PTPRD: variants seen among roughly 807,000 people sequenced by gnomAD.
The protein encoded by PTPRD is receptor-type tyrosine-protein phosphatase delta.
In PTPRD, 34 loss-of-function variants were observed where a neutral mutation model predicts 214.5. The ratio of observed to expected loss-of-function variants is 0.16; its 90% CI spans 0.12 to 0.21. PTPRD has a LOEUF of 0.21. Among genes scored for constraint, PTPRD ranks in the 10% least tolerant of loss-of-function variants. The pLI is 1.00. For missense variants in PTPRD, 2,545 were observed against 2,398.7 expected (o/e 1.06, Z -1.27); for synonymous variants, 1,128 against 845.7 (o/e 1.33, Z -5.79).
At chr9:9,530,753 G>A (rs76700118) in intron 8 of PTPRD, among the ~76,000 whole-genome samples, 2,134 of 152,212 alleles carry the variant, frequency 0.014, 48 homozygotes, top group African/African-American at 0.048. Flanking sequence ...ATGGAACAGA[G>A]GTGATATTAA....
intron 6 of PTPRD, 75 bp downstream of exon 6, chr9:9,766,735 T>C (rs994624187): frequency 6.6e-6 from 1 of 152,458 alleles, no homozygotes; most frequent in Non-Finnish European, 1.5e-5. Flanking sequence ...CATGCAACAG[T>C]AATATAATTA....
chr9:10,489,969 G>A (rs2099156507), intron 2 of PTPRD, among the ~76,000 whole-genome samples: 1 of 152,118 alleles, frequency 6.6e-6, no homozygotes, highest in Admixed American at 6.5e-5. Flanking sequence ...TACTTTGAGT[G>A]CTCACTTGAT....
chr9:9,392,413 G>A (rs963578464), intron 9 of PTPRD, among the ~76,000 whole-genome samples: 1 of 152,078 alleles, frequency 6.6e-6, no homozygotes, highest in South Asian at 2.1e-4. Context: ...GATCTTTTCT[G>A]CATATTTGGG....
At chr9:9,239,612 C>A (rs1473835121) in intron 9 of PTPRD, among the ~76,000 whole-genome samples, 2 of 152,194 alleles carry the variant, frequency 1.3e-5, no homozygotes, top group Non-Finnish European at 2.9e-5. Context: ...ATCTTACACA[C>A]ATCTTGCTGT....
chr9:10,073,395 G>A (rs972140816), intron 3 of PTPRD, among the ~76,000 whole-genome samples: 3 of 152,012 alleles, frequency 2.0e-5, no homozygotes, highest in African/African-American at 7.2e-5. Flanking sequence ...CTATACTATA[G>A]TTGATAAAGT....
chr9:8,695,115 G>T (rs1253124822), intron 12 of PTPRD, among the ~76,000 whole-genome samples: 1 of 152,040 alleles, frequency 6.6e-6, no homozygotes, highest in Admixed American at 6.6e-5. Context: ...TGTCTCCTTA[G>T]ACTGGTTCCT....
chr9:8,563,946 G>A (rs143603460), intron 14 of PTPRD, among the ~76,000 whole-genome samples: 4 of 152,200 alleles, frequency 2.6e-5, no homozygotes, highest in East Asian at 1.9e-4. Context: ...GATTGCAGGC[G>A]TGAGGCATTG....
chr9:9,796,497 T>C (rs779966980), intron 5 of PTPRD, among the ~76,000 whole-genome samples: 1 of 152,090 alleles, frequency 6.6e-6, no homozygotes, highest in South Asian at 2.1e-4. Context: ...AACTAAGCAT[T>C]TGCTGACAGC....
At chr9:8,619,337 C>T (rs954299840) in intron 14 of PTPRD, among the ~76,000 whole-genome samples, 1 of 151,904 alleles carries the variant, frequency 6.6e-6, no homozygotes, top group Non-Finnish European at 1.5e-5. Flanking sequence ...TGACCACCAT[C>T]TCCCCAACCC....
chr9:9,449,874 C>A (rs1315291766), intron 8 of PTPRD, among the ~76,000 whole-genome samples: 4 of 151,782 alleles, frequency 2.6e-5, no homozygotes, highest in African/African-American at 9.7e-5. Context: ...GGTCTTTTAT[C>A]CCTCACTCCA....
At chr9:9,684,029 A>G (rs2097124436) in intron 7 of PTPRD, among the ~76,000 whole-genome samples, 1 of 151,688 alleles carries the variant, frequency 6.6e-6, no homozygotes, top group African/African-American at 2.4e-5. Flanking sequence ...AGGATTATGT[A>G]GACCTCTAGG....
At chr9:10,436,405 A>G (rs1348127933) in intron 2 of PTPRD, among the ~76,000 whole-genome samples, 1 of 151,790 alleles carries the variant, frequency 6.6e-6, no homozygotes, top group Admixed American at 6.6e-5. Context: ...TTCATATCAT[A>G]TTGTATAAGG....
At chr9:10,030,198 A>G (rs1311654135) in intron 4 of PTPRD, among the ~76,000 whole-genome samples, 1 of 152,162 alleles carries the variant, frequency 6.6e-6, no homozygotes, top group African/African-American at 2.4e-5. Context: ...ATGAAAATGG[A>G]CTAACACAGT....
intron 8 of PTPRD, among the ~76,000 whole-genome samples, chr9:9,527,487 T>C (rs2074393624): frequency 1.3e-5 from 2 of 152,160 alleles, no homozygotes; most frequent in African/African-American, 2.4e-5. Context: ...TTTAAAAAAT[T>C]GTAATCAAAA....
chr9:9,205,465 T>C (rs565146312), intron 9 of PTPRD, among the ~76,000 whole-genome samples: 1 of 152,176 alleles, frequency 6.6e-6, no homozygotes, highest in South Asian at 2.1e-4. Context: ...TACTTCTAGA[T>C]AATAATAATA....
intron 4 of PTPRD, among the ~76,000 whole-genome samples, chr9:10,019,293 A>T (rs1395113372): frequency 6.6e-6 from 1 of 152,174 alleles, no homozygotes; most frequent in Non-Finnish European, 1.5e-5. Flanking sequence ...GCTGGAGAGG[A>T]TGTGGAGAAA....
chr9:9,266,921 G>T (rs1594834526), intron 9 of PTPRD, among the ~76,000 whole-genome samples: 2 of 150,874 alleles, frequency 1.3e-5, no homozygotes, highest in Admixed American at 1.3e-4. Context: ...TAATGCCAAA[G>T]TTAGAAGGAA....
intron 2 of PTPRD, among the ~76,000 whole-genome samples, chr9:10,413,508 A>T (rs1299048913): frequency 6.6e-6 from 1 of 152,042 alleles, no homozygotes; most frequent in Non-Finnish European, 1.5e-5. Flanking sequence ...AGGAAGAATC[A>T]ATATCATTAA....
intron 12 of PTPRD, among the ~76,000 whole-genome samples, chr9:8,722,339 A>G (rs1280629151): frequency 6.6e-6 from 1 of 152,178 alleles, no homozygotes; most frequent in Non-Finnish European, 1.5e-5. Context: ...CCTGGTAGGC[A>G]AGGGAGCCAT....
Sources: gnomAD v4.1 joint callset for allele counts (sites outside exome capture counted in the v4.1 genomes callset) on GRCh38, gnomAD v4.1.1 for gene constraint, MANE v1.5 for transcripts, NCBI Gene and HGNC (gene_info 2026-07-23, HGNC 2026-07-21) for gene names.